The following ATOSA variants were observed in gnomAD, a reference collection of about 807,000 sequenced individuals.
ATOSA encodes atos homolog protein A.
chr15:52,685,933 T>G, the ATOSA span, among the ~76,000 whole-genome samples: 1 of 152,080 alleles, frequency 6.6e-6, no homozygotes, highest in African/African-American at 2.4e-5. Context: ...CGCTATGTTG[T>G]CCAGGCTGGT....
chr15:52,637,947 C>T, the ATOSA span, among the ~76,000 whole-genome samples: 2 of 152,124 alleles, frequency 1.3e-5, no homozygotes. Context: ...TTACTTCTTT[C>T]CAGTCTTTAT....
the ATOSA span, among the ~76,000 whole-genome samples, chr15:52,638,315 G>A: frequency 2.0e-5 from 3 of 152,024 alleles, no homozygotes; most frequent in East Asian, 1.9e-4. Context: ...ATTTAAAAAC[G>A]CTTACCTTCT....
chr15:52,586,903 A>G, the ATOSA span: 1 of 535,928 alleles, frequency 1.9e-6, no homozygotes, highest in African/African-American at 2.0e-5. Flanking sequence ...GAAGAGTCCT[A>G]TTGAAGTTAT....
At chr15:52,602,763 A>G in the ATOSA span, among the ~76,000 whole-genome samples, 1 of 152,222 alleles carries the variant, frequency 6.6e-6, no homozygotes, top group Non-Finnish European at 1.5e-5. Context: ...ATAGAAGGCC[A>G]GTCTTCCCTG....
At chr15:52,600,242 G>T in the ATOSA span, 3 of 1,551,634 alleles carry the variant, frequency 1.9e-6, no homozygotes, top group Non-Finnish European at 1.8e-6. Flanking sequence ...AGGACTATTA[G>T]AAAAACAAAT....
chr15:52,645,960 GTTT>G, the ATOSA span, among the ~76,000 whole-genome samples: 2 of 152,124 alleles, frequency 1.3e-5, no homozygotes, highest in African/African-American at 4.8e-5. Flanking sequence ...TCCCAGTGCT[GTTT>G]TTTTCCCCCA....
chr15:52,693,412 T>C, the ATOSA span, among the ~76,000 whole-genome samples: 1 of 152,132 alleles, frequency 6.6e-6, no homozygotes. Context: ...AGAGCGAGAC[T>C]CCATCTCAAA....
chr15:52,591,409 A>G, the ATOSA span, among the ~76,000 whole-genome samples: 6 of 151,916 alleles, frequency 3.9e-5, no homozygotes, highest in Admixed American at 3.3e-4. Flanking sequence ...TTTTTGTATT[A>G]TTAGTAGAGA....
the ATOSA span, chr15:52,656,832 A>G: frequency 6.6e-6 from 1 of 152,124 alleles, no homozygotes. Flanking sequence ...TATCACCACT[A>G]TTACATAAAA....
the ATOSA span, chr15:52,609,456 A>G: frequency 1.9e-6 from 3 of 1,613,696 alleles, no homozygotes; most frequent in Non-Finnish European, 2.5e-6. Flanking sequence ...CAATCCTTGC[A>G]ATAACATCTT....
At chr15:52,704,474 A>C in the ATOSA span, among the ~76,000 whole-genome samples, 1 of 152,212 alleles carries the variant, frequency 6.6e-6, no homozygotes, top group Non-Finnish European at 1.5e-5. Flanking sequence ...AAACACCAAA[A>C]GCAATGGCAA....
chr15:52,693,947 C>G, the ATOSA span, among the ~76,000 whole-genome samples: 1 of 152,078 alleles, frequency 6.6e-6, no homozygotes, highest in Non-Finnish European at 1.5e-5. Context: ...AAATTGTTCT[C>G]TCTCATACCT....
the ATOSA span, chr15:52,677,931 A>G: frequency 1.3e-6 from 2 of 1,559,586 alleles, no homozygotes; most frequent in Non-Finnish European, 8.8e-7. Flanking sequence ...CTGCAGAATT[A>G]GGTTAACACT....
the ATOSA span, among the ~76,000 whole-genome samples, chr15:52,606,172 C>G: frequency 6.6e-6 from 1 of 151,790 alleles, no homozygotes; most frequent in African/African-American, 2.4e-5. Context: ...AAAACTATGT[C>G]AATATTAAGA....
At chr15:52,672,871 T>A in the ATOSA span, among the ~76,000 whole-genome samples, 3 of 152,200 alleles carry the variant, frequency 2.0e-5, no homozygotes, top group Admixed American at 2.0e-4. Context: ...AGATGGGGTA[T>A]CTCTACGTCA....
the ATOSA span, among the ~76,000 whole-genome samples, chr15:52,597,208 CTATTCTATTCTATTCTAT>C: frequency 5.7e-4 from 4 of 6,996 alleles, no homozygotes; most frequent in South Asian, 8.2e-3. Context: ...CTATTCTATT[CTATTCTATTCTATTCTAT>C]TCTATTCTAT....
the ATOSA span, among the ~76,000 whole-genome samples, chr15:52,708,488 G>T: frequency 6.6e-6 from 1 of 150,448 alleles, no homozygotes; most frequent in South Asian, 2.1e-4. Context: ...TTCAAGGTGT[G>T]GGGGGTGGTT....
the ATOSA span, among the ~76,000 whole-genome samples, chr15:52,602,369 T>A: frequency 6.6e-6 from 1 of 152,238 alleles, no homozygotes; most frequent in Non-Finnish European, 1.5e-5. Flanking sequence ...CTCAAATTGC[T>A]CTGATAACAG....
the ATOSA span, among the ~76,000 whole-genome samples, chr15:52,597,932 C>A: frequency 2.6e-5 from 4 of 152,106 alleles, no homozygotes; most frequent in African/African-American, 7.2e-5. Flanking sequence ...TGAGACCAGC[C>A]TGACCAGCAT....
Sources: gnomAD v4.1 joint callset for allele counts (sites outside exome capture counted in the v4.1 genomes callset) on GRCh38, gnomAD v4.1.1 for gene constraint, MANE v1.5 for transcripts, NCBI Gene and HGNC (gene_info 2026-07-23, HGNC 2026-07-21) for gene names.